Variants in VIL1 observed in about 807,000 individuals in gnomAD.
VIL1 encodes villin-1.
Under a neutral mutation model 104.0 loss-of-function variants are expected in VIL1, and 86 were observed. The ratio of observed to expected loss-of-function variants is 0.83; its 90% CI spans 0.69 to 0.99. The LOEUF (loss-of-function observed/expected upper bound fraction) is 0.99. Among genes scored for constraint, VIL1 ranks in the 50% least tolerant of loss-of-function variants. VIL1 has a pLI of 0.00. For missense variants in VIL1, 944 were observed against 1,054.1 expected (o/e 0.90, Z 1.45); for synonymous variants, 394 against 412.6 (o/e 0.95, Z 0.55).
intron 1 of VIL1, among the ~76,000 whole-genome samples, chr2:218,420,310 T>C (rs1213052569): frequency 3.3e-5 from 5 of 150,036 alleles, no homozygotes; most frequent in African/African-American, 9.8e-5. Flanking sequence ...ACGCCTATAG[T>C]CCCAGCTACT....
At chr2:218,421,259 G>T (rs1377913737) in intron 1 of VIL1, among the ~76,000 whole-genome samples, 1 of 152,106 alleles carries the variant, frequency 6.6e-6, no homozygotes, top group Non-Finnish European at 1.5e-5. Flanking sequence ...GGGCCAGGGG[G>T]CTGTGTGTAG....
chr2:218,428,353 C>T lies in VIL1; in HGVS notation c.567+16C>T, dbSNP rs550115344. On this transcript the variant is annotated intron_variant, in intron 6 of 19. Coordinates refer to ENST00000248444, the MANE Select transcript of VIL1 (RefSeq NM_007127.3). ...GAGACTCAGGGTAAACCTGCCCATGCACCACACCTCCCTCTCGAATCCTAG... is the reference window on the plus strand; with the variant it reads ...GAGACTCAGGGTAAACCTGCCCATGTACCACACCTCCCTCTCGAATCCTAG... The T allele has an allele frequency of 1.9e-5, 30 of 1,603,906 alleles. No individual in the cohort carries two copies. The highest frequency in any genetic ancestry group is 1.7e-4 in the Admixed American group (10 of 60,000).
intron 19 of VIL1, among the ~76,000 whole-genome samples, chr2:218,444,492 A>T (rs1162418339): frequency 6.6e-6 from 1 of 151,220 alleles, no homozygotes; most frequent in Non-Finnish European, 1.5e-5. Flanking sequence ...GTTAGCCAGG[A>T]TGGTCTCGAT....
intron 19 of VIL1, among the ~76,000 whole-genome samples, chr2:218,444,759 C>T (rs1444904490): frequency 2.0e-5 from 3 of 152,148 alleles, no homozygotes; most frequent in African/African-American, 7.2e-5. Flanking sequence ...AGATAGTAAT[C>T]TAAGTATTTG....
intron 6 of VIL1, among the ~76,000 whole-genome samples, chr2:218,428,769 T>G (rs1271478205): frequency 6.6e-6 from 1 of 152,184 alleles, no homozygotes; most frequent in African/African-American, 2.4e-5. Flanking sequence ...CCTTCTGGGT[T>G]CAAGTGATTC....
chr2:218,429,510 C>G (rs1212102328), intron 7 of VIL1, 23 bp downstream of exon 7: 2 of 1,613,386 alleles, frequency 1.2e-6, no homozygotes, highest in Non-Finnish European at 1.7e-6. Flanking sequence ...CGGGGTCTTC[C>G]TGGGTGCTGG....
At chr2:218,447,633 A>G (rs1428411599) in intron 19 of VIL1, among the ~76,000 whole-genome samples, 1 of 151,802 alleles carries the variant, frequency 6.6e-6, no homozygotes, top group East Asian at 1.9e-4. Context: ...ATAAAATCTC[A>G]TTTACCCAGA....
chr2:218,437,998 G>A (rs1042785359), intron 17 of VIL1, among the ~76,000 whole-genome samples: 2 of 152,222 alleles, frequency 1.3e-5, no homozygotes, highest in African/African-American at 4.8e-5. Context: ...GAAGCAGAAA[G>A]CTTAATTTCC....
intron 17 of VIL1, among the ~76,000 whole-genome samples, chr2:218,438,350 T>C (rs1689229835): frequency 6.6e-6 from 1 of 152,204 alleles, no homozygotes; most frequent in African/African-American, 2.4e-5. Flanking sequence ...GGGTTCTCCA[T>C]ACTGCCTGTG....
rs1299147393 is a variant in VIL1 at position 218,450,420 on chromosome 2, C to G, written c.*1084C>G. 6.6e-6 allele frequency: 1 copy of G among 152,630 alleles called. No homozygotes were observed. Among genetic ancestry groups the G allele is most frequent in the Non-Finnish European group, 1.5e-5 (1 of 68,040 alleles). 9.5% of individuals were successfully genotyped at this position (152,630 alleles called of 1,614,324 possible). A position where few individuals can be genotyped will look rare whatever the true frequency, so the allele number is the denominator to read the frequency against. On this transcript the variant is annotated 3_prime_UTR_variant, in exon 20 of 20. Transcript: ENST00000248444. ...CATAAAGAATCAGAATCAAAAGTCA[C>G]TCTGAACATAAAGAAAAAAAATCAT...
intron 14 of VIL1, 21 bp from the exon 15 acceptor site, chr2:218,435,268 G>T (rs1353857582): frequency 1.2e-6 from 2 of 1,610,268 alleles, no homozygotes; most frequent in Non-Finnish European, 1.7e-6. Flanking sequence ...CTAGAAATTA[G>T]CCAACTCTTT....
intron 1 of VIL1, among the ~76,000 whole-genome samples, chr2:218,420,937 A>G (rs953604527): frequency 2.0e-5 from 3 of 152,094 alleles, no homozygotes; most frequent in African/African-American, 7.2e-5. Context: ...GGCTGCAAAG[A>G]CAAACATATC....
chr2:218,429,112 G>A (rs1689050547), intron 6 of VIL1, among the ~76,000 whole-genome samples, 173 bp from the exon 7 acceptor site: 2 of 152,188 alleles, frequency 1.3e-5, no homozygotes, highest in Admixed American at 6.5e-5. Flanking sequence ...CCTTCCCCCT[G>A]GTTTCCTTAC....
intron 19 of VIL1, among the ~76,000 whole-genome samples, chr2:218,445,206 C>G (rs961757081): frequency 1.3e-5 from 2 of 152,086 alleles, no homozygotes; most frequent in African/African-American, 4.8e-5. Flanking sequence ...TTGAGACCAG[C>G]CTGGGCAACA....
intron 19 of VIL1, among the ~76,000 whole-genome samples, chr2:218,447,031 T>C (rs1689375311): frequency 6.6e-6 from 1 of 152,186 alleles, no homozygotes; most frequent in South Asian, 2.1e-4. Flanking sequence ...CCCAAAGTGT[T>C]GGGATTACAG....
chr2:218,445,983 C>T (rs1038167483), intron 19 of VIL1, among the ~76,000 whole-genome samples: 1 of 152,136 alleles, frequency 6.6e-6, no homozygotes, highest in Admixed American at 6.5e-5. Context: ...ATCTAATCTT[C>T]TGGATCATTC....
chr2:218,449,358 A>C lies in VIL1; in HGVS notation c.*22A>C. ...TTGAGAAGAGTAGCTGTGGTTGTAA[A>C]GCAGTACCCTACCCTGATTGTAGGG... On this transcript the variant is annotated 3_prime_UTR_variant, in exon 20 of 20. Coordinates refer to ENST00000248444, the MANE Select transcript of VIL1 (RefSeq NM_007127.3). The C allele has an allele frequency of 6.4e-7, 1 of 1,557,158 alleles. No homozygotes were observed. The highest frequency in any genetic ancestry group is 1.1e-5 in the South Asian group (1 of 89,900).
In VIL1 at chr2:218,450,755, C is replaced by T. The variant is rs558690333; in HGVS notation, c.*1419C>T. The T allele has an allele frequency of 6.6e-6, 1 of 152,314 alleles. No individual in the cohort carries two copies. Among genetic ancestry groups the T allele is most frequent in the Non-Finnish European group, 1.5e-5 (1 of 68,038 alleles). 9.4% of individuals were successfully genotyped at this position (152,314 alleles called of 1,614,324 possible). A position where few individuals can be genotyped will look rare whatever the true frequency, so the allele number is the denominator to read the frequency against. ...CCTGGAACCTGGTCCAGACCCTCAC[C>T]CACTCTATTCTTATGCCAATGGACA... On this transcript the variant is annotated 3_prime_UTR_variant, in exon 20 of 20. Coordinates refer to ENST00000248444, the MANE Select transcript of VIL1 (RefSeq NM_007127.3).
chr2:218,433,056 C>A, intron 13 of VIL1, 105 bp downstream of exon 13: 1 of 1,407,612 alleles, frequency 7.1e-7, no homozygotes, highest in Non-Finnish European at 9.8e-7. Context: ...TGAGGTGAAG[C>A]CCATTCTTCA....
Sources: gnomAD v4.1 joint callset for allele counts (sites outside exome capture counted in the v4.1 genomes callset) on GRCh38, gnomAD v4.1.1 for gene constraint, MANE v1.5 for transcripts, NCBI Gene and HGNC (gene_info 2026-07-23, HGNC 2026-07-21) for gene names.